FBXO43: variants seen among roughly 807,000 people sequenced by gnomAD.
The protein encoded by FBXO43 is F-box only protein 43.
FBXO43 carries 22 observed loss-of-function variants against 56.7 expected under a neutral mutation model. The observed-to-expected ratio is 0.39, with a 90% CI of 0.28 to 0.55. The LOEUF is 0.55. FBXO43 is among the 20% of genes least tolerant of loss of function. The pLI, the probability that FBXO43 is intolerant of heterozygous loss-of-function variation, is 0.66. For missense variants in FBXO43, 733 were observed against 814.9 expected (o/e 0.90, Z 1.22); for synonymous variants, 306 against 294.5 (o/e 1.04, Z -0.40).
chr8:100,134,732 C>T (rs1326499412), intron 3 of FBXO43, among the ~76,000 whole-genome samples: 1 of 151,984 alleles, frequency 6.6e-6, no homozygotes, highest in African/African-American at 2.4e-5. Context: ...CTCAACTCTG[C>T]GGTTGTAGAA....
At chr8:100,136,477 C>T (rs1814474519) in intron 3 of FBXO43, among the ~76,000 whole-genome samples, 1 of 152,218 alleles carries the variant, frequency 6.6e-6, no homozygotes, top group Non-Finnish European at 1.5e-5. Flanking sequence ...AACATGGGTG[C>T]TAGTCATCAG....
intron 1 of FBXO43, among the ~76,000 whole-genome samples, chr8:100,142,425 T>A (rs1487139206): frequency 6.6e-6 from 1 of 152,208 alleles, no homozygotes; most frequent in East Asian, 1.9e-4. Context: ...AGGCTAAGCA[T>A]CATGCACACA....
Position 100,140,874 on chromosome 8 carries a change from T to C in FBXO43, c.1380A>G (p.Glu460=). 1.9e-6 allele frequency: 3 copies of C among 1,614,220 alleles called. No homozygotes were observed. The East Asian group carries it at 6.7e-5, about 36-fold the overall frequency. The change falls in exon 2 of 5, where the codon GAA becomes GAG. Residue 460 remains glutamate, a synonymous_variant. Transcript: ENST00000428847. The stretch of plus-strand genomic sequence containing the variant: ...GCTCTAAGAATTCATGTCCACTATT[T>C]TCCTGTAATCTTTTCCTCTTGCTTT... The part of the protein sequence containing the change: ...FMKSKRKRLQ[E]NSGHEFLEQG...
At chr8:100,134,394 T>A (rs1484014082) in intron 3 of FBXO43, 30 bp from the exon 4 acceptor site, 1 of 1,581,752 alleles carries the variant, frequency 6.3e-7, no homozygotes, top group East Asian at 2.2e-5. Context: ...GCATCAATAC[T>A]GCAATACCAA....
At chr8:100,143,747 C>A (rs1434382111) in intron 1 of FBXO43, among the ~76,000 whole-genome samples, 2 of 152,162 alleles carry the variant, frequency 1.3e-5, no homozygotes, top group Non-Finnish European at 2.9e-5. Context: ...CAATTTGCGT[C>A]ACAGCCCTTT....
At chr8:100,146,456 A>G (rs1349032783), upstream of FBXO43, among the ~76,000 whole-genome samples, 2 of 152,224 alleles carry the variant, frequency 1.3e-5, no homozygotes, top group Non-Finnish European at 2.9e-5. Context: ...TAAAAAATCT[A>G]TTCATAAAAA....
rs1202841818 is a variant in FBXO43, at chr8:100,145,691, G to A, written c.-556C>T. On this transcript the variant is annotated 5_prime_UTR_variant, in exon 1 of 5. Coordinates refer to ENST00000428847, the MANE Select transcript of FBXO43 (RefSeq NM_001029860.4). ...GCGAGGCGCCGAAGCGGACAGGTGG[G>A]AGAGGAGCCGGGCAGCAGCCGCTGG... 1 of 152,624 alleles carries A rather than the reference G, an allele frequency of 6.6e-6. No homozygotes were observed. The highest frequency in any genetic ancestry group is 1.5e-5 in the Non-Finnish European group (1 of 68,348). The allele number at this position is 152,624 out of a possible 1,614,324, so 9.5% of individuals were successfully genotyped here. A position where few individuals can be genotyped will look rare whatever the true frequency, so the allele number is the denominator to read the frequency against.
At chr8:100,139,884 G>A (rs990332107) in intron 2 of FBXO43, among the ~76,000 whole-genome samples, 13 of 152,096 alleles carry the variant, frequency 8.5e-5, no homozygotes, top group South Asian at 6.2e-4. Context: ...GAAAGCTAAC[G>A]ATTGTTTTTA....
In FBXO43 at chr8:100,141,894, T is replaced by C. The variant is rs754390091; in HGVS notation, c.360A>G (p.Glu120=). 7.5e-6 allele frequency: 12 copies of C among 1,590,206 alleles called. No individual in the cohort carries two copies. The highest frequency in any genetic ancestry group is 6.8e-5 in the African/African-American group (5 of 73,266). ...TSGLGLTHPL[E]SPTQKKKCIL... ...TACATTTCTTTTTTTGAGTGGGAGA[T>C]TCTAAAGGATGTGTTAAGCCCAGGC... Residue 120 remains glutamate (E), a synonymous_variant, in exon 2 of 5, where the codon GAA becomes GAG. Transcript: ENST00000428847.
chr8:100,137,454 G>T, intron 3 of FBXO43, 111 bp downstream of exon 3: 2 of 675,258 alleles, frequency 3.0e-6, no homozygotes, highest in Non-Finnish European at 5.0e-6. Flanking sequence ...GTGAATGTTT[G>T]TTAAATGGAA....
At chr8:100,137,880 A>G (rs1330496969) in intron 2 of FBXO43, among the ~76,000 whole-genome samples, 1 of 152,242 alleles carries the variant, frequency 6.6e-6, no homozygotes, top group East Asian at 1.9e-4. Flanking sequence ...AGCAATATAC[A>G]GATAGATTAC....
In FBXO43 at chr8:100,145,415, T is replaced by C; in HGVS notation, c.-280A>G. 7.0e-6 allele frequency: 2 copies of C among 286,528 alleles called. No homozygotes were observed. The highest frequency in any genetic ancestry group is 6.5e-6 in the Non-Finnish European group (1 of 154,874). 17.7% of individuals were successfully genotyped at this position (286,528 alleles called of 1,614,324 possible). ...GCGTGTGCTGCAGCCTGGCACTGAC[T>C]CCCCCGAGGAGCTATGGCGGGCGGG... On this transcript the variant is annotated 5_prime_UTR_variant, in exon 1 of 5. Coordinates refer to ENST00000428847, the MANE Select transcript of FBXO43 (RefSeq NM_001029860.4).
upstream of FBXO43, chr8:100,145,858 C>G (rs1171999870): frequency 6.5e-6 from 1 of 152,680 alleles, no homozygotes; most frequent in African/African-American, 2.4e-5. Context: ...CAGCCCCGCC[C>G]CGCGCCGCGC....
chr8:100,140,274 T>A (rs1356103371), intron 2 of FBXO43, among the ~76,000 whole-genome samples: 2 of 152,080 alleles, frequency 1.3e-5, no homozygotes, highest in African/African-American at 4.8e-5. Context: ...ATCAAGACCA[T>A]CCTGGCTAAC....
At position 100,137,586 on chromosome 8, in the gene FBXO43, T is replaced by C; in HGVS notation, c.1653A>G (p.Thr551=). The C allele has an allele frequency of 6.2e-7, 1 of 1,610,412 alleles. No individual in the cohort carries two copies. Among genetic ancestry groups the C allele is most frequent in the Admixed American group, 1.7e-5 (1 of 59,644 alleles). Residue 551 remains threonine, a synonymous_variant, in exon 3 of 5, where the codon ACA becomes ACG. Coordinates refer to ENST00000428847, the MANE Select transcript of FBXO43 (RefSeq NM_001029860.4). The stretch of plus-strand genomic sequence containing the variant: ...TTACCTCAGAATCTGTTTTCAGTTG[T>C]GTGATATAAAATTTCCTCCTCCGAT... ...NANRRRKFYI[T]QLKTDSEGAV...
upstream of FBXO43, among the ~76,000 whole-genome samples, chr8:100,147,159 T>C (rs1563757613): frequency 1.3e-5 from 2 of 151,720 alleles, no homozygotes; most frequent in African/African-American, 2.4e-5. Context: ...CTAACAGTTA[T>C]TAAATTCCAA....
chr8:100,144,330 A>AGT (rs1814751470), intron 1 of FBXO43, among the ~76,000 whole-genome samples: 1 of 151,396 alleles, frequency 6.6e-6, no homozygotes, highest in East Asian at 2.0e-4. Flanking sequence ...TGGGTAACAT[A>AGT]GTGAGACCCC....
rs1387952466 is a variant in FBXO43, at chr8:100,142,119, A to G, written c.135T>C (p.Thr45=). The change falls in exon 2 of 5, where the codon ACT becomes ACC. Residue 45 remains threonine, a synonymous_variant. Coordinates refer to ENST00000428847, the MANE Select transcript of FBXO43 (RefSeq NM_001029860.4). The part of the protein sequence containing the change: ...MSQRHSGQAG[T]EAGNGADSPP... ...GAGAGTCCGCCCCATTTCCTGCTTC[A>G]GTGCCAGCTTGACCTGAGTGCCTTT... The G allele has an allele frequency of 1.2e-6, 2 of 1,606,954 alleles. No homozygotes were observed. Among genetic ancestry groups the G allele is most frequent in the South Asian group, 1.1e-5 (1 of 89,114 alleles).
upstream of FBXO43, among the ~76,000 whole-genome samples, chr8:100,150,380 A>G (rs1455828518): frequency 1.3e-5 from 2 of 152,212 alleles, no homozygotes; most frequent in African/African-American, 2.4e-5. Flanking sequence ...CTTCTGGAAA[A>G]GTGTTACTTT....
Sources: gnomAD v4.1 joint callset for allele counts (sites outside exome capture counted in the v4.1 genomes callset) on GRCh38, gnomAD v4.1.1 for gene constraint, MANE v1.5 for transcripts, NCBI Gene and HGNC (gene_info 2026-07-23, HGNC 2026-07-21) for gene names.